CARHSP1: variants seen among roughly 807,000 people sequenced by gnomAD.
CARHSP1 encodes calcium-regulated heat-stable protein 1.
In CARHSP1, 14 loss-of-function variants were observed where a neutral mutation model predicts 12.5. The ratio of observed to expected loss-of-function variants is 1.12; its 90% CI spans 0.74 to 1.75. CARHSP1 has a LOEUF of 1.75. CARHSP1 is among the 40% of genes most tolerant of loss of function. CARHSP1 has a pLI of 0.00. For missense variants in CARHSP1, 343 were observed against 201.6 expected, an observed-to-expected ratio of 1.70 and a Z score of -4.25; for synonymous variants, 161 against 82.0, an observed-to-expected ratio of 1.96 and a Z score of -5.20.
rs1596519692 is a variant in CARHSP1 at position 8,854,993 on chromosome 16, A to C, written c.*171T>G. On this transcript the variant is annotated 3_prime_UTR_variant, in exon 4 of 4. Coordinates refer to ENST00000311052, the MANE Select transcript of CARHSP1 (RefSeq NM_014316.4). Reference sequence around the variant, plus strand: ...ATAGGCTGTGCTGATGGCCGGGAACACCCCACACCCCACACCTGCCCCCCA... The same window carrying C: ...ATAGGCTGTGCTGATGGCCGGGAACCCCCCACACCCCACACCTGCCCCCCA... The C allele has an allele frequency of 2.0e-6, 1 of 493,728 alleles. No individual in the cohort carries two copies. 30.6% of individuals were successfully genotyped at this position (493,728 alleles called of 1,614,324 possible).
intron 2 of CARHSP1, chr16:8,858,676 G>C: frequency 1.7e-6 from 1 of 581,520 alleles, no homozygotes; most frequent in Non-Finnish European, 2.9e-6. Context: ...GATGACCCTG[G>C]CCAATTTTCT....
chr16:8,861,066 CTT>C (rs1555457219), intron 1 of CARHSP1, among the ~76,000 whole-genome samples: 6 of 118,926 alleles, frequency 5.0e-5, no homozygotes, highest in South Asian at 6.1e-4. Flanking sequence ...AAATAAATAA[CTT>C]TTATTTTTTT....
chr16:8,858,013 T>G (rs1455656261), intron 3 of CARHSP1: 2 of 249,290 alleles, frequency 8.0e-6, no homozygotes, highest in East Asian at 1.9e-4. Flanking sequence ...TCCACCCACC[T>G]CGGCCTCCCA....
intron 1 of CARHSP1, among the ~76,000 whole-genome samples, chr16:8,863,865 C>G (rs2061411365): frequency 6.6e-6 from 1 of 152,162 alleles, no homozygotes; most frequent in Non-Finnish European, 1.5e-5. Context: ...AGGATGGGGC[C>G]ACACAGCAGC....
intron 2 of CARHSP1, 132 bp from the exon 3 acceptor site, chr16:8,858,604 G>C: frequency 1.8e-6 from 2 of 1,121,298 alleles, no homozygotes; most frequent in South Asian, 3.1e-5. Flanking sequence ...CACAGGCTGA[G>C]GACTGCACAA....
rs1567180815 is a variant in CARHSP1, at chr16:8,857,002, A to T, written c.281+1348T>A. ...AACTTCCTTCCTGGAGCAAAGGGGC[A>T]GGACAGCCCCCAGCCTCACCAGTCC... On this transcript the variant is annotated intron_variant, in intron 3 of 3. Transcript: ENST00000311052. Among the ~76,000 whole-genome samples, 3 of 152,200 alleles carry T rather than the reference A, an allele frequency of 2.0e-5. No individual in the cohort carries two copies. The South Asian group carries it at 6.2e-4, about 31-fold the overall frequency.
chr16:8,859,919 G>C (rs1249048803), intron 1 of CARHSP1: 2 of 154,258 alleles, frequency 1.3e-5, no homozygotes, highest in African/African-American at 4.8e-5. Flanking sequence ...GGAGGTTCCA[G>C]TGAGCTGAGA....
chr16:8,856,814 G>A (rs1259772843), intron 3 of CARHSP1, among the ~76,000 whole-genome samples: 1 of 149,360 alleles, frequency 6.7e-6, no homozygotes, highest in Non-Finnish European at 1.5e-5. Flanking sequence ...GTCCTCCCCT[G>A]TCTAAAGGCT....
chr16:8,866,586 G>A (rs767163212), intron 1 of CARHSP1: 3 of 359,998 alleles, frequency 8.3e-6, no homozygotes, highest in Non-Finnish European at 7.7e-6. Context: ...GGAAGCGATA[G>A]AGGCCGAGAA....
At chr16:8,861,274 C>A (rs547407434) in intron 1 of CARHSP1, among the ~76,000 whole-genome samples, 73 of 142,166 alleles carry the variant, frequency 5.1e-4, no homozygotes, top group Admixed American at 1.5e-3. Flanking sequence ...CCACCTCTTC[C>A]TCTCAAAGTG....
rs1246353547 is a variant in CARHSP1 at position 8,855,027 on chromosome 16, C to T, written c.*137G>A. 2 of 506,760 alleles carry T rather than the reference C, an allele frequency of 3.9e-6. No homozygotes were observed. The highest frequency in any genetic ancestry group is 6.2e-6 in the Non-Finnish European group (2 of 320,730). The allele number at this position is 506,760 out of a possible 1,614,324, so 31.4% of individuals were successfully genotyped here. A position where few individuals can be genotyped will look rare whatever the true frequency, so the allele number is the denominator to read the frequency against. On this transcript the variant is annotated 3_prime_UTR_variant, in exon 4 of 4. Transcript: ENST00000311052. ...CCCACACCTGCCCCCCATACCCCTT[C>T]CTCCAGGAGATACTTGAGAGGGACC...
intron 1 of CARHSP1, among the ~76,000 whole-genome samples, chr16:8,861,417 C>CA (rs1256064931): frequency 6.6e-6 from 1 of 151,196 alleles, no homozygotes; most frequent in Non-Finnish European, 1.5e-5. Flanking sequence ...CCTCAGTTTG[C>CA]CCCCCCAGTC....
chr16:8,855,927 C>G lies in CARHSP1; in HGVS notation c.282-601G>C, dbSNP rs150146752. Among the ~76,000 whole-genome samples, 189 of 152,318 alleles carry G rather than the reference C, an allele frequency of 1.2e-3. 6 individuals carry two copies. In the East Asian group the frequency reaches 0.03, roughly 24 times the overall value. On this transcript the variant is annotated intron_variant, in intron 3 of 3. Coordinates refer to ENST00000311052, the MANE Select transcript of CARHSP1 (RefSeq NM_014316.4). ...ATCCACCTCCCGAGTTCAAGTGATT[C>G]TCCTGCCTCAGCCAAGTATCTGGGA...
At chr16:8,866,436 G>A (rs2061456233) in intron 1 of CARHSP1, 1 of 985,330 alleles carries the variant, frequency 1.0e-6, no homozygotes, top group South Asian at 4.7e-5. Flanking sequence ...GTGCACCTGG[G>A]TTCCTCCTTT....
chr16:8,865,327 C>T (rs2061437248), intron 1 of CARHSP1, among the ~76,000 whole-genome samples: 2 of 152,182 alleles, frequency 1.3e-5, no homozygotes, highest in Non-Finnish European at 2.9e-5. Flanking sequence ...CCAATCTGGT[C>T]TCGGACTCCT....
chr16:8,859,188 C>T lies in CARHSP1; in HGVS notation c.141G>A (p.Arg47=). 1 of 1,601,208 alleles carries T rather than the reference C, an allele frequency of 6.2e-7. No homozygotes were observed. The highest frequency in any genetic ancestry group is 8.5e-7 in the Non-Finnish European group (1 of 1,173,778). ...NVVPSPLPTR[R]TRTFSATVRA... ...AGACTCACGCCGAGAAGGTCCTCGT[C>T]CGGCGAGTGGGCAGTGGGCTTGGGA... Residue 47 remains arginine, a synonymous_variant, in exon 2 of 4, where the codon CGG becomes CGA. Transcript: ENST00000311052.
intron 3 of CARHSP1, among the ~76,000 whole-genome samples, chr16:8,856,820 A>C (rs903376792): frequency 4.6e-5 from 7 of 151,976 alleles, no homozygotes; most frequent in Non-Finnish European, 1.0e-4. Flanking sequence ...CCCTGTCTAA[A>C]GGCTGCCCAG....
At chr16:8,857,284 T>TGTTTTTG (rs1567181255) in intron 3 of CARHSP1, among the ~76,000 whole-genome samples, 1 of 112,942 alleles carries the variant, frequency 8.9e-6, no homozygotes, top group African/African-American at 3.0e-5. Context: ...TTTTTTTTTT[T>TGTTTTTG]TTTTTTTTTT....
rs752957935 is a variant in CARHSP1, at chr16:8,858,303, G to C, written c.281+47C>G. ...ACCATCCCCACCTCCACAGGGCCAA[G>C]GAAGCGCCCACCCCAGCCAGGCCAC... On this transcript the variant is annotated intron_variant, in intron 3 of 3. Coordinates refer to ENST00000311052, the MANE Select transcript of CARHSP1 (RefSeq NM_014316.4). 3.1e-6 allele frequency: 5 copies of C among 1,599,596 alleles called. No homozygotes were observed. In the South Asian group the frequency reaches 4.5e-5, roughly 14 times the overall value.
Sources: gnomAD v4.1 joint callset for allele counts (sites outside exome capture counted in the v4.1 genomes callset) on GRCh38, gnomAD v4.1.1 for gene constraint, MANE v1.5 for transcripts, NCBI Gene and HGNC (gene_info 2026-07-23, HGNC 2026-07-21) for gene names.